The following TIAM2 variants were observed in gnomAD, a reference collection of about 807,000 sequenced individuals.
TIAM2 encodes the protein TIAM Rac1 associated GEF 2, also known as rho guanine nucleotide exchange factor TIAM2.
In TIAM2, 80 loss-of-function variants were observed where a neutral mutation model predicts 152.9. The ratio of observed to expected loss-of-function variants is 0.52; its 90% CI spans 0.44 to 0.63. The LOEUF (loss-of-function observed/expected upper bound fraction) is 0.63. Ranked by LOEUF, TIAM2 falls within the 30% of genes least tolerant of loss-of-function variation. The pLI is 0.00. For missense variants in TIAM2, 1,965 were observed against 2,120.1 expected (o/e 0.93, Z 1.44); for synonymous variants, 804 against 838.0 (o/e 0.96, Z 0.70).
intron 1 of TIAM2, among the ~76,000 whole-genome samples, chr6:155,026,335 C>T (rs566220999): frequency 2.9e-4 from 44 of 152,274 alleles, no homozygotes; most frequent in African/African-American, 9.9e-4. Context: ...GGCGTTCTTT[C>T]TGAATGCTTC....
chr6:155,143,855 C>G (rs1212632274), intron 5 of TIAM2, among the ~76,000 whole-genome samples: 1 of 151,996 alleles, frequency 6.6e-6, no homozygotes, highest in Non-Finnish European at 1.5e-5. Flanking sequence ...ACCTGGGGAC[C>G]CCAATTCCTG....
intron 2 of TIAM2, among the ~76,000 whole-genome samples, chr6:155,109,871 A>T (rs1370800342): frequency 6.6e-6 from 1 of 151,606 alleles, no homozygotes. Context: ...GCACATCCTG[A>T]TGTATCTTAG....
intron 1 of TIAM2, among the ~76,000 whole-genome samples, chr6:155,085,220 A>C (rs575897674): frequency 3.3e-5 from 5 of 152,346 alleles, no homozygotes; most frequent in African/African-American, 1.2e-4. Flanking sequence ...TAAACCCAGC[A>C]ACTTTAAAAC....
chr6:155,053,836 C>G (rs1448595891), intron 1 of TIAM2, among the ~76,000 whole-genome samples: 1 of 152,134 alleles, frequency 6.6e-6, no homozygotes, highest in Non-Finnish European at 1.5e-5. Flanking sequence ...CACACTGGTG[C>G]AAATAACCTT....
intron 9 of TIAM2, 143 bp from the exon 10 acceptor site, chr6:155,176,673 T>A (rs1004802903): frequency 9.9e-6 from 8 of 805,038 alleles, no homozygotes; most frequent in African/African-American, 8.7e-5. Flanking sequence ...GTTGTCAGCC[T>A]CAGAGGGCTG....
chr6:155,009,727 C>T (rs115468032), intron 1 of TIAM2, among the ~76,000 whole-genome samples: 4 of 152,132 alleles, frequency 2.6e-5, no homozygotes, highest in East Asian at 1.9e-4. Context: ...ATATTAATTA[C>T]GCAGTTGTAA....
intron 2 of TIAM2, among the ~76,000 whole-genome samples, chr6:155,114,192 TAC>T (rs1201798564): frequency 6.6e-6 from 1 of 150,572 alleles, no homozygotes; most frequent in Non-Finnish European, 1.5e-5. Flanking sequence ...TAGCTGGGAT[TAC>T]AGAGGCGTGC....
At chr6:155,153,146 T>A (rs965084610) in intron 7 of TIAM2, among the ~76,000 whole-genome samples, 2 of 152,104 alleles carry the variant, frequency 1.3e-5, no homozygotes, top group African/African-American at 4.8e-5. Flanking sequence ...TGCTACTAAT[T>A]TTTCATTTTT....
rs1779400529 is a variant in TIAM2, at chr6:155,129,867, G to C, written c.644G>C (p.Arg215Thr). ...ASETSPVPEA[R>T]RGSSADSLPS... ...GAAACCTCCCCTGTGCCTGAAGCCAGGAGGGGGTCCAGCGCCGATTCCCTG... is the reference window on the plus strand; with the variant it reads ...GAAACCTCCCCTGTGCCTGAAGCCACGAGGGGGTCCAGCGCCGATTCCCTG... Residue 215 changes from arginine to threonine, a missense_variant, in exon 4 of 27, where the codon AGG becomes ACG. Physicochemically the swap from Arg to Thr is moderately conservative, Grantham distance 71. Around this residue, in one of 3 missense-constraint regions of TIAM2, gnomAD observed 1,025 missense variants for 1,119.4 expected, o/e 0.92. Transcript: ENST00000682666. The surrounding 1 kb of genome is among the most constrained non-coding windows in gnomAD (Gnocchi z 4.8). 1.9e-6 allele frequency: 3 copies of C among 1,613,758 alleles called. No homozygotes were observed. The highest frequency in any genetic ancestry group is 2.5e-6 in the Non-Finnish European group (3 of 1,180,032).
At position 155,146,514 on chromosome 6, in the gene TIAM2, G is replaced by A. The variant is rs190948931; in HGVS notation, c.1804-1596G>A. 2.0e-3 allele frequency among the ~76,000 whole-genome samples: 311 copies of A among 152,192 alleles called. 1 individual carries two copies. The highest frequency in any genetic ancestry group is 7.1e-3 in the African/African-American group (293 of 41,528). ...GAGAAATGAAAGTACTTGTCAGCCT[G>A]CTTAGAATCATACCCATTTGCCCAC... On this transcript the variant is annotated intron_variant, in intron 6 of 26. Coordinates refer to ENST00000682666, the MANE Select transcript of TIAM2 (RefSeq NM_012454.4).
rs201942622 is a variant in TIAM2, at chr6:155,216,883, C to T, written c.3168+5576C>T. On this transcript the variant is annotated intron_variant, in intron 15 of 26. Transcript: ENST00000682666. ...CAGGGGGCCAGCTTCCCCCAATCAC[C>T]GGTGCTGCTGTGGAGGAAGAGCTTG... 27 of 1,157,126 alleles carry T rather than the reference C, an allele frequency of 2.3e-5. No individual in the cohort carries two copies. In the East Asian group the frequency reaches 4.4e-4, roughly 19 times the overall value. The allele number at this position is 1,157,126 out of a possible 1,614,324, so 71.7% of individuals were successfully genotyped here.
intron 1 of TIAM2, among the ~76,000 whole-genome samples, chr6:154,996,407 G>A (rs1778212400): frequency 6.6e-6 from 1 of 152,152 alleles, no homozygotes; most frequent in Non-Finnish European, 1.5e-5. Flanking sequence ...GAGGCCACTT[G>A]GTGACACTCC....
At chr6:155,144,532 G>A in intron 5 of TIAM2, 74 bp from the exon 6 acceptor site, 1 of 1,387,116 alleles carries the variant, frequency 7.2e-7, no homozygotes, top group Non-Finnish European at 9.4e-7. Flanking sequence ...AAAAAAGTGT[G>A]TCACTTACCC....
chr6:155,124,011 T>C (rs925598460), intron 2 of TIAM2, among the ~76,000 whole-genome samples: 1 of 152,198 alleles, frequency 6.6e-6, no homozygotes, highest in Non-Finnish European at 1.5e-5. Flanking sequence ...TATTTATTAT[T>C]ATCATCATCA....
chr6:155,097,539 T>A (rs950753651), intron 2 of TIAM2, among the ~76,000 whole-genome samples: 3 of 152,082 alleles, frequency 2.0e-5, no homozygotes, highest in Non-Finnish European at 2.9e-5. Context: ...AGAGGTCCCG[T>A]TCTGTTGCCC....
intron 16 of TIAM2, 103 bp downstream of exon 16, chr6:155,240,812 TC>T: frequency 8.1e-7 from 1 of 1,234,218 alleles, no homozygotes; most frequent in Non-Finnish European, 1.1e-6. Flanking sequence ...CACCTGCCAC[TC>T]CCCAGGGGGG....
intron 1 of TIAM2, among the ~76,000 whole-genome samples, chr6:155,079,809 G>C (rs373443588): frequency 1.3e-5 from 2 of 152,140 alleles, no homozygotes; most frequent in East Asian, 3.9e-4. Context: ...TCAGCTGGGC[G>C]TGATGGTGCA....
intron 1 of TIAM2, among the ~76,000 whole-genome samples, chr6:155,053,176 T>G (rs1171043072): frequency 6.6e-6 from 1 of 152,200 alleles, no homozygotes; most frequent in East Asian, 1.9e-4. Flanking sequence ...GTTTAGATAG[T>G]AAGAATACAA....
rs376831551 is a variant in TIAM2, at chr6:155,186,312, G to A, written c.3064+2812G>A. Among the ~76,000 whole-genome samples, 1 of 152,166 alleles carries A rather than the reference G, an allele frequency of 6.6e-6. No individual in the cohort carries two copies. The highest frequency in any genetic ancestry group is 1.5e-5 in the Non-Finnish European group (1 of 68,030). On this transcript the variant is annotated intron_variant, in intron 14 of 26. Transcript: ENST00000682666. This position sits in a 1 kb window ranked among gnomAD's most constrained non-coding sequence, Gnocchi z 4.5. ...CCAGCCTCTTTACCCTGGTGGAAAC[G>A]GTTCTGAGGTGCAGTCTACACAGCT...
Sources: gnomAD v4.1 joint callset for allele counts (sites outside exome capture counted in the v4.1 genomes callset) on GRCh38, gnomAD v4.1.1 for gene constraint, gnomAD v4.1.1 regional missense constraint, Gnocchi (gnomAD v3.1) non-coding constraint, MANE v1.5 for transcripts, NCBI Gene and HGNC (gene_info 2026-07-23, HGNC 2026-07-21) for gene names.